ANGPT1: variants seen among roughly 807,000 people sequenced by gnomAD.
ANGPT1 encodes the protein angiopoietin-1.
ANGPT1 carries 17 observed loss-of-function variants against 62.2 expected under a neutral mutation model. The ratio of observed to expected loss-of-function variants is 0.27; its 90% CI spans 0.19 to 0.41. The LOEUF is 0.41. ANGPT1 is among the 10% of genes least tolerant of loss of function. The pLI is 1.00. For synonymous variants in ANGPT1, 199 were observed against 198.9 expected, an observed-to-expected ratio of 1.00 and a Z score of 0.00; for missense variants, 478 against 594.9, an observed-to-expected ratio of 0.80 and a Z score of 2.04.
intron 1 of ANGPT1, among the ~76,000 whole-genome samples, chr8:107,427,795 T>G (rs1373866935): frequency 1.3e-5 from 2 of 148,544 alleles, no homozygotes; most frequent in Non-Finnish European, 3.0e-5. Flanking sequence ...ATCTTCAAAT[T>G]TGATCTTCTC....
Position 107,264,138 on chromosome 8 carries a change from A to G in ANGPT1, c.1336+83T>C. 2.7e-6 allele frequency: 4 copies of G among 1,493,406 alleles called. No homozygotes were observed. The Admixed American group carries it at 8.9e-5, about 33-fold the overall frequency. The allele number at this position is 1,493,406 out of a possible 1,614,324, so 92.5% of individuals were successfully genotyped here. A position where few individuals can be genotyped will look rare whatever the true frequency, so the allele number is the denominator to read the frequency against. On this transcript the variant is annotated intron_variant, in intron 8 of 8. Transcript: ENST00000517746. ...TGCTCTTAAGTTTCCTGACCATAAG[A>G]TCATACTCCTTTCTCATAGATAAGA...
chr8:107,341,616 G>A (rs1208792784), intron 2 of ANGPT1, among the ~76,000 whole-genome samples: 1 of 147,048 alleles, frequency 6.8e-6, no homozygotes, highest in Non-Finnish European at 1.5e-5. Flanking sequence ...TATTTATAAT[G>A]GTAATACCCT....
At chr8:107,408,960 C>A (rs1001065870) in intron 1 of ANGPT1, among the ~76,000 whole-genome samples, 6 of 152,314 alleles carry the variant, frequency 3.9e-5, no homozygotes, top group Admixed American at 2.6e-4. Flanking sequence ...TATACTCCAA[C>A]ATTTATGCCT....
chr8:107,268,738 C>A (rs1813672207), intron 7 of ANGPT1, among the ~76,000 whole-genome samples: 1 of 152,092 alleles, frequency 6.6e-6, no homozygotes, highest in Middle Eastern at 3.4e-3. Flanking sequence ...AAGGTGTGAA[C>A]ATAATTCCTT....
At chr8:107,392,784 T>C (rs1307776238) in intron 1 of ANGPT1, among the ~76,000 whole-genome samples, 4 of 152,198 alleles carry the variant, frequency 2.6e-5, no homozygotes, top group Non-Finnish European at 4.4e-5. Context: ...ATATGTGGTA[T>C]AATGTAATTT....
At chr8:107,366,040 A>C (rs1279631893) in intron 1 of ANGPT1, among the ~76,000 whole-genome samples, 2 of 152,230 alleles carry the variant, frequency 1.3e-5, no homozygotes, top group East Asian at 3.8e-4. Flanking sequence ...GGCTTGACTC[A>C]ATCCATTTTT....
chr8:107,323,860 A>T (rs1167930628), intron 3 of ANGPT1, among the ~76,000 whole-genome samples: 1 of 152,026 alleles, frequency 6.6e-6, no homozygotes, highest in Non-Finnish European at 1.5e-5. Context: ...ACTCACTGCA[A>T]GTTCCGCCTC....
At chr8:107,281,524 A>T (rs1310517525) in intron 7 of ANGPT1, among the ~76,000 whole-genome samples, 1 of 152,152 alleles carries the variant, frequency 6.6e-6, no homozygotes, top group Admixed American at 6.6e-5. Flanking sequence ...CACTCCTGTA[A>T]TCCCAGCACT....
intron 1 of ANGPT1, among the ~76,000 whole-genome samples, chr8:107,397,130 G>T (rs905434308): frequency 6.6e-6 from 1 of 152,108 alleles, no homozygotes; most frequent in Non-Finnish European, 1.5e-5. Context: ...GTAATGACAT[G>T]AGTTACCCGT....
intron 1 of ANGPT1, among the ~76,000 whole-genome samples, chr8:107,399,360 A>G (rs1398811211): frequency 6.6e-6 from 1 of 152,224 alleles, no homozygotes; most frequent in Non-Finnish European, 1.5e-5. Context: ...ACTTGGTTCC[A>G]AGAATGTTAT....
chr8:107,394,136 G>C (rs1365058655), intron 1 of ANGPT1, among the ~76,000 whole-genome samples: 4 of 152,132 alleles, frequency 2.6e-5, no homozygotes, highest in Non-Finnish European at 4.4e-5. Context: ...AAAGCTAGGG[G>C]TTAGAGCTGG....
intron 3 of ANGPT1, among the ~76,000 whole-genome samples, chr8:107,330,924 T>C (rs1003531890): frequency 6.6e-6 from 1 of 152,072 alleles, no homozygotes; most frequent in African/African-American, 2.4e-5. Flanking sequence ...ATTTTAAAAA[T>C]TAACAGGGAA....
At chr8:107,358,573 T>C (rs1476618277) in intron 1 of ANGPT1, among the ~76,000 whole-genome samples, 2 of 152,160 alleles carry the variant, frequency 1.3e-5, no homozygotes, top group African/African-American at 4.8e-5. Context: ...GAAGCATGAG[T>C]AACTGCAAAA....
intron 1 of ANGPT1, among the ~76,000 whole-genome samples, chr8:107,490,673 A>G (rs1376172001): frequency 6.6e-6 from 1 of 152,184 alleles, no homozygotes; most frequent in South Asian, 2.1e-4. Context: ...GGGTCAGCTA[A>G]CTTTTTCTCA....
At chr8:107,494,189 C>T (rs1813034845) in intron 1 of ANGPT1, among the ~76,000 whole-genome samples, 1 of 152,158 alleles carries the variant, frequency 6.6e-6, no homozygotes, top group South Asian at 2.1e-4. Context: ...AATCTTAGAA[C>T]ATTATACATA....
intron 1 of ANGPT1, among the ~76,000 whole-genome samples, chr8:107,438,296 A>G (rs920062193): frequency 6.7e-6 from 1 of 149,962 alleles, no homozygotes; most frequent in African/African-American, 2.5e-5. Context: ...TGATATCATC[A>G]TCTTCTTCTT....
chr8:107,258,004 G>C (rs143691463), intron 8 of ANGPT1, among the ~76,000 whole-genome samples: 4 of 82,388 alleles, frequency 4.9e-5, no homozygotes, highest in African/African-American at 1.9e-4. Flanking sequence ...TCTTCTTTTT[G>C]TTCTAAAGAT....
intron 1 of ANGPT1, among the ~76,000 whole-genome samples, chr8:107,431,384 G>A (rs1281667553): frequency 1.3e-5 from 2 of 150,814 alleles, no homozygotes; most frequent in Non-Finnish European, 3.0e-5. Flanking sequence ...TTTTCTAAGT[G>A]TTCACTTTTC....
At chr8:107,264,610 T>C (rs1241794574) in intron 7 of ANGPT1, among the ~76,000 whole-genome samples, 1 of 152,204 alleles carries the variant, frequency 6.6e-6, no homozygotes, top group Non-Finnish European at 1.5e-5. Flanking sequence ...CTTGGGTTTA[T>C]TGTATTAATA....
Sources: gnomAD v4.1 joint callset for allele counts (sites outside exome capture counted in the v4.1 genomes callset) on GRCh38, gnomAD v4.1.1 for gene constraint, MANE v1.5 for transcripts, NCBI Gene and HGNC (gene_info 2026-07-23, HGNC 2026-07-21) for gene names.